Variants in GMIP observed in about 807,000 individuals in gnomAD.
GMIP encodes the protein GEM interacting protein.
GMIP carries 54 observed loss-of-function variants against 105.3 expected under a neutral mutation model. That is an observed-to-expected ratio of 0.51 (90% CI 0.41 to 0.64). GMIP has a LOEUF of 0.64. Ranked by LOEUF, GMIP falls within the 30% of genes least tolerant of loss-of-function variation. The pLI, the probability that GMIP is intolerant of heterozygous loss-of-function variation, is 0.00. For missense variants in GMIP, 1,110 were observed against 1,319.4 expected (o/e 0.84, Z 2.46); for synonymous variants, 541 against 560.8 (o/e 0.96, Z 0.50).
Position 19,635,233 on chromosome 19 carries a change from G to T in GMIP, c.1561-20C>A. On this transcript the variant is annotated intron_variant, in intron 15 of 20. Transcript: ENST00000203556. This position sits in a 1 kb window ranked among gnomAD's most constrained non-coding sequence, Gnocchi z 4.7. Reference sequence around the variant, plus strand: ...AAAGCACTGTGGGGAAGGTCACAGGGACAGGGAGGTCATTAGGGACCAGTA... The same window carrying T: ...AAAGCACTGTGGGGAAGGTCACAGGTACAGGGAGGTCATTAGGGACCAGTA... The T allele has an allele frequency of 5.6e-6, 9 of 1,603,040 alleles. No homozygotes were observed. Among genetic ancestry groups the T allele is most frequent in the Non-Finnish European group, 7.7e-6 (9 of 1,173,228 alleles).
intron 7 of GMIP, among the ~76,000 whole-genome samples, chr19:19,638,683 C>T (rs1176177195): frequency 1.3e-5 from 2 of 151,678 alleles, no homozygotes; most frequent in Non-Finnish European, 2.9e-5. Context: ...TGAACTTGAA[C>T]TCTTGAGTTC....
intron 13 of GMIP, among the ~76,000 whole-genome samples, 192 bp downstream of exon 13, chr19:19,636,515 T>G (rs1208520710): frequency 1.3e-5 from 2 of 152,120 alleles, no homozygotes; most frequent in Non-Finnish European, 2.9e-5. Flanking sequence ...AGAATGAGAC[T>G]GTCTCAAATA....
chr19:19,640,575 G>A lies in GMIP; in HGVS notation c.239-4C>T. On this transcript the variant is annotated splice_region_variant and splice_polypyrimidine_tract_variant and intron_variant, in intron 4 of 20. Coordinates refer to ENST00000203556, the MANE Select transcript of GMIP (RefSeq NM_016573.4). ...AGCCGCAAGTCCAGTTCCTCCCCTG[G>A]GGAAGATGGATGGACCTCTGACCTT... 5 of 1,613,826 alleles carry A rather than the reference G, an allele frequency of 3.1e-6. No individual in the cohort carries two copies. Among genetic ancestry groups the A allele is most frequent in the South Asian group, 1.1e-5 (1 of 91,062 alleles).
At chr19:19,641,372 C>A (rs868375502) in intron 4 of GMIP, among the ~76,000 whole-genome samples, 28 of 152,008 alleles carry the variant, frequency 1.8e-4, no homozygotes, top group African/African-American at 3.6e-4. Flanking sequence ...TGAGCCACTG[C>A]GTCCGGCCTT....
At chr19:19,640,420 T>C (rs561736866) in intron 5 of GMIP, 26 bp downstream of exon 5, 2 of 1,614,074 alleles carry the variant, frequency 1.2e-6, no homozygotes, top group South Asian at 1.1e-5. Flanking sequence ...GCCTGGTAAC[T>C]GGGGCTGGGC....
chr19:19,637,527 T>C lies in GMIP; in HGVS notation c.962A>G (p.Gln321Arg). The change falls in exon 11 of 21, where the codon CAG becomes CGG. Residue 321 changes from glutamine to arginine, a missense_variant. By Grantham distance (43) the Gln-to-Arg change is conservative (BLOSUM62 1). Around this residue, in one of 3 missense-constraint regions of GMIP, gnomAD observed 667 missense variants for 773.2 expected, o/e 0.86. Coordinates refer to ENST00000203556, the MANE Select transcript of GMIP (RefSeq NM_016573.4). This position sits in a 1 kb window ranked among gnomAD's most constrained non-coding sequence, Gnocchi z 6.7. Reference protein sequence around the residue: ...TLSLFGLRGAQAERGPRAFAA... With the variant: ...TLSLFGLRGARAERGPRAFAA... ...GAAGGCGCGGGGGCCACGCTCTGCC[T>C]GCGCCCCCCGCAGCCCGAAGAGACT... 1 of 1,535,586 alleles carries C rather than the reference T, an allele frequency of 6.5e-7. No individual in the cohort carries two copies. Among genetic ancestry groups the C allele is most frequent in the Non-Finnish European group, 8.7e-7 (1 of 1,143,356 alleles).
intron 4 of GMIP, among the ~76,000 whole-genome samples, chr19:19,641,107 GTC>G (rs527659162): frequency 3.1e-4 from 47 of 150,298 alleles, no homozygotes; most frequent in Non-Finnish European, 6.1e-4. Context: ...TTGAGGCGGA[GTC>G]TCGCTCTGTC....
At position 19,635,221 on chromosome 19, in the gene GMIP, G is replaced by A. The variant is rs767848220; in HGVS notation, c.1561-8C>T. The A allele has an allele frequency of 1.9e-6, 3 of 1,607,814 alleles. No homozygotes were observed. The highest frequency in any genetic ancestry group is 2.2e-5 in the East Asian group (1 of 44,702). ...GTGGCAGGTCAGAAAGCACTGTGGG[G>A]AAGGTCACAGGGACAGGGAGGTCAT... On this transcript the variant is annotated splice_polypyrimidine_tract_variant and splice_region_variant and intron_variant, in intron 15 of 20. Coordinates refer to ENST00000203556, the MANE Select transcript of GMIP (RefSeq NM_016573.4). The surrounding 1 kb of genome is among the most constrained non-coding windows in gnomAD (Gnocchi z 4.7).
At position 19,643,594 on chromosome 19, in the gene GMIP, G is replaced by C. The variant is rs1054569320; in HGVS notation, c.-65C>G. 5 of 1,417,552 alleles carry C rather than the reference G, an allele frequency of 3.5e-6. No individual in the cohort carries two copies. In the South Asian group the frequency reaches 3.9e-5, roughly 11 times the overall value. The allele number at this position is 1,417,552 out of a possible 1,614,324, so 87.8% of individuals were successfully genotyped here. On this transcript the variant is annotated 5_prime_UTR_variant, in exon 1 of 21. Coordinates refer to ENST00000203556, the MANE Select transcript of GMIP (RefSeq NM_016573.4). ...GATGGGGTCGCGCGCCGGCGGGGCC[G>C]AGCCCCGATTTCCTGCCGCCGCAGC...
Position 19,635,377 on chromosome 19 carries a change from GT to G in GMIP, c.1560+37del, listed in dbSNP as rs759340943. 1.3e-6 allele frequency: 2 copies of G among 1,597,358 alleles called. No individual in the cohort carries two copies. Among genetic ancestry groups the G allele is most frequent in the African/African-American group, 2.7e-5 (2 of 74,714 alleles). ...TCTCAGGTCAGGGAGATGATCAAGG[GT>G]CAGCAAAGGTCATTTGGTCATTAAC... On this transcript the variant is annotated intron_variant, in intron 15 of 20. Transcript: ENST00000203556. This position sits in a 1 kb window ranked among gnomAD's most constrained non-coding sequence, Gnocchi z 4.7.
chr19:19,634,061 G>A lies in GMIP; in HGVS notation c.2214C>T (p.Asp738=). The A allele has an allele frequency of 1.2e-6, 2 of 1,613,600 alleles. No homozygotes were observed. The highest frequency in any genetic ancestry group is 1.7e-6 in the Non-Finnish European group (2 of 1,179,882). ...ASAIPVTCLL[D]SGHQAQLVEF... ...CCACAAGCTGGGCCTGATGCCCAGA[G>A]TCCAGCAGGCAGGTGACAGGGATGG... The change falls in exon 19 of 21, where the codon GAC becomes GAT. Residue 738 remains aspartate, a synonymous_variant. Transcript: ENST00000203556. The surrounding 1 kb of genome is among the most constrained non-coding windows in gnomAD (Gnocchi z 6.1).
Position 19,643,576 on chromosome 19 carries a change from T to C in GMIP, c.-47A>G. 1 of 1,504,464 alleles carries C rather than the reference T, an allele frequency of 6.6e-7. No homozygotes were observed. The highest frequency in any genetic ancestry group is 8.9e-7 in the Non-Finnish European group (1 of 1,119,550). The allele number at this position is 1,504,464 out of a possible 1,614,324, so 93.2% of individuals were successfully genotyped here. ...TGCAGGGACCGGGATGGGGATGGGG[T>C]CGCGCGCCGGCGGGGCCGAGCCCCG... On this transcript the variant is annotated 5_prime_UTR_variant, in exon 1 of 21. Coordinates refer to ENST00000203556, the MANE Select transcript of GMIP (RefSeq NM_016573.4).
At chr19:19,642,158 C>G in intron 2 of GMIP, 107 bp from the exon 3 acceptor site, 2 of 663,508 alleles carry the variant, frequency 3.0e-6, no homozygotes, top group African/African-American at 1.8e-5. Flanking sequence ...TCTGTGGCAT[C>G]TCTTGTGTCT....
chr19:19,642,624 G>C lies in GMIP; in HGVS notation c.20-5C>G, dbSNP rs2061934558. On this transcript the variant is annotated splice_region_variant and splice_polypyrimidine_tract_variant and intron_variant, in intron 1 of 20. Transcript: ENST00000203556. ...CCTCAGGACCTGGGGGGAGTCCTAG[G>C]GGAGGGGAGTGTAATACATGGGCTA... The C allele has an allele frequency of 1.3e-6, 2 of 1,557,456 alleles. No individual in the cohort carries two copies. The highest frequency in any genetic ancestry group is 1.8e-6 in the Non-Finnish European group (2 of 1,130,942).
chr19:19,629,925 C>T lies in GMIP; in HGVS notation c.*38G>A. The T allele has an allele frequency of 6.3e-7, 1 of 1,582,168 alleles. No individual in the cohort carries two copies. The highest frequency in any genetic ancestry group is 8.6e-7 in the Non-Finnish European group (1 of 1,165,844). On this transcript the variant is annotated 3_prime_UTR_variant, in exon 21 of 21. Transcript: ENST00000203556. ...GTAGGGATATATGGGTCCGTCTTCA[C>T]AATCTGGGCCTCTTCCTTATTTAAG...
In GMIP at chr19:19,638,081, C is replaced by T. The variant is rs373446778; in HGVS notation, c.790-24G>A. 6 of 1,544,424 alleles carry T rather than the reference C, an allele frequency of 3.9e-6. No individual in the cohort carries two copies. In the Admixed American group the frequency reaches 5.8e-5, roughly 15 times the overall value. ...GCCTGGGGAAACGGGAGGCCAGGAG[C>T]GGGGTGGGGCGCGTGTGGGCGAGAG... On this transcript the variant is annotated intron_variant, in intron 9 of 20. Transcript: ENST00000203556.
At position 19,638,415 on chromosome 19, in the gene GMIP, T is replaced by C. The variant is rs118034455; in HGVS notation, c.605A>G (p.Glu202Gly). Residue 202 changes from glutamate to glycine, a missense_variant, in exon 8 of 21, where the codon GAG becomes GGG. Physicochemically the swap from Glu to Gly is moderately conservative, Grantham distance 98. Transcript: ENST00000203556. ...TCCAAGCCTCACCATCCGCTTCTGC[T>C]CCTTCATCCACTGCTCCTTGAACTC... is the stretch of plus-strand genomic sequence containing the variant. ...RKEFKEQWMK[E>G]QKRMNEAVQA... The C allele has an allele frequency of 3.1e-4, 504 of 1,614,144 alleles. No homozygotes were observed. Among genetic ancestry groups the C allele is most frequent in the Non-Finnish European group, 4.2e-4 (499 of 1,180,006 alleles).
chr19:19,643,501 G>A lies in GMIP; in HGVS notation c.19+10C>T, dbSNP rs1268276275. The A allele has an allele frequency of 1.9e-6, 3 of 1,546,110 alleles. No homozygotes were observed. The highest frequency in any genetic ancestry group is 2.0e-5 in the Admixed American group (1 of 50,854). On this transcript the variant is annotated intron_variant, in intron 1 of 20. Transcript: ENST00000203556. Reference sequence around the variant, plus strand: ...CGGGGGAGGCCCCTCCCGGATCCCCGACCCCCTACCCGGCTCTGCTGCGTC... The same window carrying A: ...CGGGGGAGGCCCCTCCCGGATCCCCAACCCCCTACCCGGCTCTGCTGCGTC...
Position 19,638,344 on chromosome 19 carries a change from G to A in GMIP, c.619-15C>T. On this transcript the variant is annotated splice_polypyrimidine_tract_variant and intron_variant, in intron 8 of 20. Transcript: ENST00000203556. ...ACCGCCTCATTCTGGGGGATGATGA[G>A]AAGGTCAGCGTCCCGGCCTCTCTCT... The A allele has an allele frequency of 6.2e-7, 1 of 1,614,100 alleles. No homozygotes were observed. Among genetic ancestry groups the A allele is most frequent in the South Asian group, 1.1e-5 (1 of 91,086 alleles).
Sources: gnomAD v4.1 joint callset for allele counts (sites outside exome capture counted in the v4.1 genomes callset) on GRCh38, gnomAD v4.1.1 for gene constraint, gnomAD v4.1.1 regional missense constraint, Gnocchi (gnomAD v3.1) non-coding constraint, MANE v1.5 for transcripts, NCBI Gene and HGNC (gene_info 2026-07-23, HGNC 2026-07-21) for gene names.